Variants in ERBIN observed in about 807,000 individuals in gnomAD.
ERBIN encodes the protein densin-180-like protein.
In ERBIN, 60 loss-of-function variants were observed where a neutral mutation model predicts 158.4. That is an observed-to-expected ratio of 0.38 (90% CI 0.31 to 0.47). The LOEUF is 0.47. ERBIN is among the 20% of genes least tolerant of loss of function. The probability of loss-of-function intolerance (pLI) is 0.99; values close to 1 mark genes in which losing one functional copy is unlikely to be tolerated. For missense variants in ERBIN, 1,610 were observed against 1,648.0 expected (o/e 0.98, Z 0.40); for synonymous variants, 594 against 557.2 (o/e 1.07, Z -0.93).
Position 65,971,243 on chromosome 5 carries a change from T to C in ERBIN, c.-57-17392T>C, listed in dbSNP as rs571225129. Among the ~76,000 whole-genome samples the C allele has an allele frequency of 1.8e-4, 27 of 150,500 alleles. No homozygotes were observed. The South Asian group carries it at 2.7e-3, about 15-fold the overall frequency. On this transcript the variant is annotated intron_variant, in intron 1 of 25. Coordinates refer to ENST00000284037, the MANE Select transcript of ERBIN (RefSeq NM_001253697.2). ...GCAGATTTATCTTGTTTGTGCATGC[T>C]GGTTTTTTTTTTTTTCAGTGTTCAA...
At chr5:65,954,151 T>A (rs1279100002) in intron 1 of ERBIN, among the ~76,000 whole-genome samples, 2 of 152,136 alleles carry the variant, frequency 1.3e-5, no homozygotes, top group African/African-American at 4.8e-5. Flanking sequence ...TGAGACGATA[T>A]ATTAAAAGCG....
At chr5:65,960,550 G>A (rs1747790548) in intron 1 of ERBIN, among the ~76,000 whole-genome samples, 1 of 152,200 alleles carries the variant, frequency 6.6e-6, no homozygotes, top group Non-Finnish European at 1.5e-5. Flanking sequence ...GGTTAAGGGT[G>A]TTGGCCTGGG....
intron 14 of ERBIN, among the ~76,000 whole-genome samples, chr5:66,036,240 T>C (rs906852985): frequency 6.6e-6 from 1 of 152,182 alleles, no homozygotes; most frequent in African/African-American, 2.4e-5. Flanking sequence ...TCCAATCCCT[T>C]ATTACCCATT....
chr5:66,012,190 A>G (rs1754277354), intron 5 of ERBIN, 63 bp downstream of exon 5: 9 of 1,075,970 alleles, frequency 8.4e-6, no homozygotes, highest in Non-Finnish European at 9.4e-6. Context: ...ACTAGTAGAT[A>G]TTATTGTACA....
chr5:65,941,480 A>G (rs1219730057), intron 1 of ERBIN, among the ~76,000 whole-genome samples: 1 of 152,128 alleles, frequency 6.6e-6, no homozygotes, highest in Non-Finnish European at 1.5e-5. Flanking sequence ...TATGAGGGAT[A>G]CTTGGAGCAT....
At chr5:65,945,896 T>C (rs1357284581) in intron 1 of ERBIN, among the ~76,000 whole-genome samples, 1 of 152,216 alleles carries the variant, frequency 6.6e-6, no homozygotes, top group Non-Finnish European at 1.5e-5. Context: ...TTCAGAATTA[T>C]AGTATAATTT....
At chr5:66,072,032 G>A in intron 21 of ERBIN, 137 bp from the exon 22 acceptor site, 2 of 738,232 alleles carry the variant, frequency 2.7e-6, no homozygotes, top group East Asian at 5.6e-5. Flanking sequence ...TGGCAGTAAT[G>A]ATGGCAGTGT....
chr5:66,024,322 A>G lies in ERBIN; in HGVS notation c.689A>G (p.Lys230Arg). ...TACTTATAGTTTATTGGTAGTTTGA[A>G]ACAGCTCACATATTTGGATGTTTCT... The part of the protein sequence containing the change: ...TFIPGFIGSL[K>R]QLTYLDVSKN... The change falls in exon 10 of 26, where the codon AAA (lysine) becomes AGA (arginine). Residue 230 changes from lysine to arginine, a missense_variant. Lys to Arg is a conservative substitution (Grantham distance 26). Around this residue, in one of 2 missense-constraint regions of ERBIN, gnomAD observed 596 missense variants for 711.9 expected, o/e 0.84. Transcript: ENST00000284037. 6.5e-7 allele frequency: 1 copy of G among 1,543,604 alleles called. No homozygotes were observed. The highest frequency in any genetic ancestry group is 8.8e-7 in the Non-Finnish European group (1 of 1,131,190).
At chr5:65,939,893 G>A (rs1234346726) in intron 1 of ERBIN, among the ~76,000 whole-genome samples, 76 of 145,744 alleles carry the variant, frequency 5.2e-4, no homozygotes, top group East Asian at 1.0e-3. Context: ...ATCTCGGCTC[G>A]CTACAACCTC....
intron 15 of ERBIN, among the ~76,000 whole-genome samples, chr5:66,042,550 T>C (rs187199004): frequency 1.1e-4 from 16 of 152,188 alleles, no homozygotes; most frequent in African/African-American, 3.6e-4. Context: ...TCAAAGGAAA[T>C]GCTCATTAGA....
intron 25 of ERBIN, 104 bp from the exon 26 acceptor site, chr5:66,078,319 T>C: frequency 1.4e-6 from 1 of 728,448 alleles, no homozygotes; most frequent in Non-Finnish European, 2.3e-6. Context: ...TATTTTAAGT[T>C]GCCAAAGTGA....
chr5:65,993,913 C>T (rs936369950), intron 3 of ERBIN, among the ~76,000 whole-genome samples: 2 of 151,986 alleles, frequency 1.3e-5, no homozygotes, highest in African/African-American at 4.8e-5. Flanking sequence ...ACTCCTGCAA[C>T]CTTAATTATA....
At chr5:66,057,996 C>T (rs1391796559) in intron 21 of ERBIN, among the ~76,000 whole-genome samples, 6 of 152,112 alleles carry the variant, frequency 3.9e-5, no homozygotes, top group South Asian at 4.1e-4. Flanking sequence ...AATAAACATA[C>T]GTGTGCATGT....
intron 2 of ERBIN, among the ~76,000 whole-genome samples, chr5:65,992,002 G>T (rs1428196656): frequency 6.6e-6 from 1 of 152,052 alleles, no homozygotes; most frequent in Non-Finnish European, 1.5e-5. Flanking sequence ...AAATATCTTC[G>T]CATTCCCACT....
At position 65,934,820 on chromosome 5, in the gene ERBIN, C is replaced by T. The variant is rs558228318; in HGVS notation, c.-58+8014C>T. On this transcript the variant is annotated intron_variant, in intron 1 of 25. Coordinates refer to ENST00000284037, the MANE Select transcript of ERBIN (RefSeq NM_001253697.2). ...ATTTACATGTACCTAGGTTTATCTT[C>T]GCAAGGACATAATGCATTACTATTT... Among the ~76,000 whole-genome samples the T allele has an allele frequency of 5.9e-5, 9 of 152,282 alleles. 1 individual carries two copies. The highest frequency in any genetic ancestry group is 1.4e-4 in the African/African-American group (6 of 41,554).
chr5:66,043,845 T>G (rs967840286), intron 16 of ERBIN, among the ~76,000 whole-genome samples: 2 of 152,188 alleles, frequency 1.3e-5, no homozygotes, highest in African/African-American at 2.4e-5. Context: ...TGTATCTGTT[T>G]CAAAGCTAAG....
At position 66,054,461 on chromosome 5, in the gene ERBIN, T is replaced by G; in HGVS notation, c.3143T>G (p.Leu1048Arg). The G allele has an allele frequency of 6.2e-7, 1 of 1,614,192 alleles. No homozygotes were observed. The highest frequency in any genetic ancestry group is 1.3e-5 in the African/African-American group (1 of 75,050). ...ANTAYHLHQR[L>R]GPARHGEMWA... Reference sequence around the variant, plus strand: ...ACTGCATACCATTTACATCAGAGACTTGGCCCAGCAAGACATGGGGAAATG... The same window carrying G: ...ACTGCATACCATTTACATCAGAGACGTGGCCCAGCAAGACATGGGGAAATG... The change falls in exon 21 of 26, where the codon CTT (leucine) becomes CGT (arginine). Residue 1048 changes from leucine to arginine, a missense_variant. Leu to Arg is a moderately radical substitution (Grantham distance 102). This residue lies in a region of ERBIN where 1,014 missense variants were observed against 936.1 expected (regional missense o/e 1.08). Transcript: ENST00000284037.
intron 15 of ERBIN, among the ~76,000 whole-genome samples, chr5:66,041,138 A>T (rs1384200514): frequency 2.3e-4 from 35 of 151,954 alleles, no homozygotes; most frequent in Admixed American, 2.2e-3. Context: ...CATAAAATCT[A>T]AGCTTAATAG....
chr5:66,000,663 T>C (rs1249366946), intron 4 of ERBIN, among the ~76,000 whole-genome samples: 1 of 152,178 alleles, frequency 6.6e-6, no homozygotes, highest in Non-Finnish European at 1.5e-5. Flanking sequence ...GTTCTTGTTA[T>C]ATGATTCCTC....
Sources: allele counts gnomAD v4.1 joint callset (sites outside exome capture counted in the v4.1 genomes callset), GRCh38; gene constraint gnomAD v4.1.1; regional missense constraint gnomAD v4.1.1; transcripts MANE v1.5; gene names NCBI Gene and HGNC (gene_info 2026-07-23, HGNC 2026-07-21).